Variants in CLEC4A observed in about 807,000 individuals in gnomAD.
CLEC4A encodes C-type lectin domain family 4 member A.
Under a neutral mutation model 32.7 loss-of-function variants are expected in CLEC4A, and 27 were observed. The observed-to-expected ratio is 0.83, with a 90% CI of 0.61 to 1.14. The LOEUF (loss-of-function observed/expected upper bound fraction) is 1.14, where lower values mean the gene tolerates loss of function less well. Ranked by LOEUF, CLEC4A falls within the 50% of genes most tolerant of loss-of-function variation. The probability of loss-of-function intolerance (pLI) is 0.00; values close to 1 mark genes in which losing one functional copy is unlikely to be tolerated. For missense variants in CLEC4A, 253 were observed against 274.6 expected (o/e 0.92, Z 0.55); for synonymous variants, 89 against 93.7 (o/e 0.95, Z 0.29).
chr12:8,130,190 A>T (rs868364941), intron 3 of CLEC4A, among the ~76,000 whole-genome samples: 1 of 152,142 alleles, frequency 6.6e-6, no homozygotes, highest in African/African-American at 2.4e-5. Context: ...AAAAAAATAG[A>T]AGCTTAATTG....
intron 2 of CLEC4A, among the ~76,000 whole-genome samples, chr12:8,127,346 A>C (rs1047052460): frequency 6.6e-6 from 1 of 152,252 alleles, no homozygotes; most frequent in African/African-American, 2.4e-5. Flanking sequence ...GAACTAGCGC[A>C]GAGTTGCTCC....
the CLEC4A span, among the ~76,000 whole-genome samples, chr12:8,107,062 T>C: frequency 6.6e-6 from 1 of 152,150 alleles, no homozygotes; most frequent in East Asian, 1.9e-4. Flanking sequence ...ATGCCTAGTG[T>C]GTTGAGGGTT....
At chr12:8,124,272 T>C (rs1452933623) in intron 1 of CLEC4A, among the ~76,000 whole-genome samples, 1 of 152,060 alleles carries the variant, frequency 6.6e-6, no homozygotes, top group Non-Finnish European at 1.5e-5. Flanking sequence ...TGAGGCTGAG[T>C]GGGGCTGGGG....
At chr12:8,125,796 G>T (rs911375046) in intron 2 of CLEC4A, 119 bp downstream of exon 2, 5 of 661,772 alleles carry the variant, frequency 7.6e-6, no homozygotes, top group African/African-American at 5.4e-5. Flanking sequence ...TTTTCTCTGG[G>T]GAGACATAAT....
intron 3 of CLEC4A, chr12:8,134,452 C>A (rs11043498): frequency 6.2e-7 from 1 of 1,613,712 alleles, no homozygotes; most frequent in Admixed American, 1.7e-5. Context: ...TGGGACTCCT[C>A]CGGGTTTTGC....
At position 8,127,728 on chromosome 12, in the gene CLEC4A, A is replaced by G. The variant is rs1480830259; in HGVS notation, c.200-1536A>G. The stretch of plus-strand genomic sequence containing the variant: ...TAGCGAAAAAAGAGAAGATGAAGTA[A>G]TTTTGAATGATAAAGGAGGTAGAGG... On this transcript the variant is annotated intron_variant, in intron 2 of 5. Transcript: ENST00000229332. 2.6e-5 allele frequency among the ~76,000 whole-genome samples: 4 copies of G among 152,218 alleles called. No individual in the cohort carries two copies. In the East Asian group the frequency reaches 7.7e-4, roughly 29 times the overall value.
At chr12:8,111,885 AG>A in the CLEC4A span, among the ~76,000 whole-genome samples, 106 of 142,186 alleles carry the variant, frequency 7.5e-4, no homozygotes, top group Non-Finnish European at 1.4e-3. Flanking sequence ...TTTTAGACTC[AG>A]GGGGTACATG....
rs1363661764 is a variant in CLEC4A, at chr12:8,138,275, G to A, written c.702G>A (p.Lys234=). 2 of 1,613,996 alleles carry A rather than the reference G, an allele frequency of 1.2e-6. No individual in the cohort carries two copies. The highest frequency in any genetic ancestry group is 2.7e-5 in the African/African-American group (2 of 74,920). Residue 234 remains lysine (K), a synonymous_variant, in exon 6 of 6, where the codon AAG becomes AAA. Coordinates refer to ENST00000229332, the MANE Select transcript of CLEC4A (RefSeq NM_016184.4). ...GPQRSVCEMM[K]IHL is the part of the protein sequence containing the mutation. ...AAAGGTCAGTTTGTGAGATGATGAA[G>A]ATCCACTTATGAACTGAACATTCTC...
At chr12:8,103,373 G>GGTTTTTT in the CLEC4A span, among the ~76,000 whole-genome samples, 4 of 78,036 alleles carry the variant, frequency 5.1e-5, no homozygotes, top group African/African-American at 1.7e-4. Context: ...GTTTCTTTCT[G>GGTTTTTT]TTGTTTTTTT....
Position 8,123,831 on chromosome 12 carries a change from A to G in CLEC4A, c.-48A>G. 2.3e-6 allele frequency: 3 copies of G among 1,324,098 alleles called. No individual in the cohort carries two copies. Among genetic ancestry groups the G allele is most frequent in the Non-Finnish European group, 3.3e-6 (3 of 917,172 alleles). The allele number at this position is 1,324,098 out of a possible 1,614,324, so 82.0% of individuals were successfully genotyped here. On this transcript the variant is annotated 5_prime_UTR_variant, in exon 1 of 6. Coordinates refer to ENST00000229332, the MANE Select transcript of CLEC4A (RefSeq NM_016184.4). ...TTCCTGTTTATAAGATGTTTTAAGA[A>G]AGATCTGAAACAGATTTTCTGAAGA...
chr12:8,133,903 C>A, intron 3 of CLEC4A: 5 of 1,598,508 alleles, frequency 3.1e-6, no homozygotes, highest in Non-Finnish European at 4.3e-6. Context: ...CAAAATGGGG[C>A]CCTGGGGCCA....
chr12:8,113,393 A>ATT, the CLEC4A span, among the ~76,000 whole-genome samples: 1 of 152,064 alleles, frequency 6.6e-6, no homozygotes, highest in African/African-American at 2.4e-5. Flanking sequence ...ATATTTAACA[A>ATT]TTGTTGACAT....
At chr12:8,111,178 C>T in the CLEC4A span, among the ~76,000 whole-genome samples, 2 of 100,302 alleles carry the variant, frequency 2.0e-5, no homozygotes, top group Non-Finnish European at 2.0e-5. Context: ...GGCCCAACAT[C>T]TTTTTTTTTT....
intron 3 of CLEC4A, among the ~76,000 whole-genome samples, chr12:8,135,185 C>T (rs138642982): frequency 6.8e-6 from 1 of 146,532 alleles, no homozygotes; most frequent in African/African-American, 2.5e-5. Context: ...CGTGCCCGGC[C>T]CCATTTTTGT....
rs1449644578 is a variant in CLEC4A, at chr12:8,129,362, G to A, written c.298G>A (p.Glu100Lys). Residue 100 changes from glutamate to lysine, a missense_variant and splice_region_variant, in exon 3 of 6, where the codon GAG becomes AAG. Coordinates refer to ENST00000229332, the MANE Select transcript of CLEC4A (RefSeq NM_016184.4). Reference sequence around the variant, plus strand: ...TGTGAAAAAAAATATGCCCGTGGAAGGTAAAAATTAATGTGCCTAGAATTC... The same window carrying A: ...TGTGAAAAAAAATATGCCCGTGGAAAGTAAAAATTAATGTGCCTAGAATTC... ...ECVKKNMPVE[E>K]TAWSCCPKNW... 6.3e-7 allele frequency: 1 copy of A among 1,589,046 alleles called. No individual in the cohort carries two copies. The highest frequency in any genetic ancestry group is 2.2e-5 in the East Asian group (1 of 44,672).
intron 2 of CLEC4A, among the ~76,000 whole-genome samples, chr12:8,126,391 T>G (rs1947902709): frequency 1.1e-5 from 1 of 90,652 alleles, no homozygotes; most frequent in East Asian, 3.1e-4. Flanking sequence ...TTTTTTTTTT[T>G]GTATTTTTAG....
At chr12:8,103,492 G>C in the CLEC4A span, among the ~76,000 whole-genome samples, 1 of 142,260 alleles carries the variant, frequency 7.0e-6, no homozygotes, top group African/African-American at 2.6e-5. Context: ...CTTCACACCG[G>C]CTTCTGCCTC....
the CLEC4A span, among the ~76,000 whole-genome samples, chr12:8,115,179 A>C: frequency 2.6e-5 from 4 of 152,186 alleles, no homozygotes; most frequent in Non-Finnish European, 5.9e-5. Context: ...TTTCTGGCAA[A>C]TATGTTTGAA....
the CLEC4A span, among the ~76,000 whole-genome samples, chr12:8,112,698 G>A: frequency 6.6e-6 from 1 of 151,866 alleles, no homozygotes; most frequent in Admixed American, 6.6e-5. Flanking sequence ...CTTTGGAGTG[G>A]TTTTGCATTT....
Sources: allele counts gnomAD v4.1 joint callset (sites outside exome capture counted in the v4.1 genomes callset), GRCh38; gene constraint gnomAD v4.1.1; transcripts MANE v1.5; gene names NCBI Gene and HGNC (gene_info 2026-07-23, HGNC 2026-07-21).